The following AGAP1 variants were observed in gnomAD, a reference collection of about 807,000 sequenced individuals.
AGAP1 encodes arf-GAP with GTPase, ANK repeat and PH domain-containing protein 1.
In AGAP1, 29 loss-of-function variants were observed where a neutral mutation model predicts 105.3. The observed-to-expected ratio is 0.28, with a 90% confidence interval of 0.21 to 0.38. The LOEUF is 0.38. Ranked by LOEUF, AGAP1 falls within the 10% of genes least tolerant of loss-of-function variation. The pLI is 1.00. For synonymous variants in AGAP1, 509 were observed against 485.9 expected, an observed-to-expected ratio of 1.05 and a Z score of -0.63; for missense variants, 998 against 1,165.1, an observed-to-expected ratio of 0.86 and a Z score of 2.09.
At position 235,635,244 on chromosome 2, in the gene AGAP1, C is replaced by T. The variant is rs186029491; in HGVS notation, c.164-73935C>T. Among the ~76,000 whole-genome samples, 9 of 152,182 alleles carry T rather than the reference C, an allele frequency of 5.9e-5. 1 individual carries two copies. Among genetic ancestry groups the T allele is most frequent in the Admixed American group, 4.6e-4 (7 of 15,262 alleles). ...GGTCGGTCAAACCTTTCCAAGCCTC[C>T]GTGTCCTCATCTGAAAATGGGAATG... On this transcript the variant is annotated intron_variant, in intron 1 of 17. Transcript: ENST00000304032. The surrounding 1 kb of genome is among the most constrained non-coding windows in gnomAD (Gnocchi z 5.3).
At chr2:236,098,852 G>A (rs1327595847) in intron 16 of AGAP1, among the ~76,000 whole-genome samples, 1 of 151,622 alleles carries the variant, frequency 6.6e-6, no homozygotes, top group African/African-American at 2.4e-5. Context: ...CAAACTCTTG[G>A]CTTCGAGTGA....
rs188627520 is a variant in AGAP1, at chr2:235,855,188, G to A, written c.1051-28157G>A. Among the ~76,000 whole-genome samples, 49 of 152,354 alleles carry A rather than the reference G, an allele frequency of 3.2e-4. No individual in the cohort carries two copies. In the East Asian group the frequency reaches 3.7e-3, roughly 11 times the overall value. On this transcript the variant is annotated intron_variant, in intron 9 of 17. Transcript: ENST00000304032. This position sits in a 1 kb window ranked among gnomAD's most constrained non-coding sequence, Gnocchi z 5.0. ...ATCAGGCCCCAGGTGGAAAATCGGC[G>A]TGGTGACGCATGTGCTGCCATCCCT...
At chr2:235,495,170 C>A (rs1183866825) in intron 1 of AGAP1, among the ~76,000 whole-genome samples, 1 of 152,172 alleles carries the variant, frequency 6.6e-6, no homozygotes, top group African/African-American at 2.4e-5. Flanking sequence ...CGCCTGGGGG[C>A]AGCCGGCGGG....
chr2:236,028,279 G>T (rs1008024061), intron 13 of AGAP1, among the ~76,000 whole-genome samples: 2 of 152,096 alleles, frequency 1.3e-5, no homozygotes, highest in Non-Finnish European at 2.9e-5. Flanking sequence ...TTCATTCTCC[G>T]GGAGAGGAGA....
At position 235,970,766 on chromosome 2, in the gene AGAP1, C is replaced by T. The variant is rs1239686200; in HGVS notation, c.1645+2143C>T. Among the ~76,000 whole-genome samples, 1 of 152,184 alleles carries T rather than the reference C, an allele frequency of 6.6e-6. No homozygotes were observed. The highest frequency in any genetic ancestry group is 1.5e-5 in the Non-Finnish European group (1 of 68,030). On this transcript the variant is annotated intron_variant, in intron 13 of 17. Coordinates refer to ENST00000304032, the MANE Select transcript of AGAP1 (RefSeq NM_001037131.3). The surrounding 1 kb of genome is among the most constrained non-coding windows in gnomAD (Gnocchi z 5.4). ...AGCTGGCACCACCCAGTGTTCCATTCAGCACCGGTGAGTTTGAAGGAAGTT... is the reference window on the plus strand; with the variant it reads ...AGCTGGCACCACCCAGTGTTCCATTTAGCACCGGTGAGTTTGAAGGAAGTT...
rs1206263838 is a variant in AGAP1 at position 235,608,929 on chromosome 2, A to G, written c.164-100250A>G. Among the ~76,000 whole-genome samples, 3 of 151,124 alleles carry G rather than the reference A, an allele frequency of 2.0e-5. No individual in the cohort carries two copies. The highest frequency in any genetic ancestry group is 1.5e-5 in the Non-Finnish European group (1 of 67,830). On this transcript the variant is annotated intron_variant, in intron 1 of 17. Transcript: ENST00000304032. This position sits in a 1 kb window ranked among gnomAD's most constrained non-coding sequence, Gnocchi z 5.4. ...GTTCTTGACTTCCCCCCCATCCCTA[A>G]TACCCCCAACTATGCAAATGATAGT...
chr2:235,734,178 G>A lies in AGAP1; in HGVS notation c.311-6785G>A, dbSNP rs920013158. Among the ~76,000 whole-genome samples, 5 of 152,210 alleles carry A rather than the reference G, an allele frequency of 3.3e-5. No individual in the cohort carries two copies. Among genetic ancestry groups the A allele is most frequent in the African/African-American group, 1.2e-4 (5 of 41,450 alleles). ...AAATAATTAGGGAATAATACAGTTTGCAGATTTTCTCCCGATGTCATCATG... is the reference window on the plus strand; with the variant it reads ...AAATAATTAGGGAATAATACAGTTTACAGATTTTCTCCCGATGTCATCATG... On this transcript the variant is annotated intron_variant, in intron 3 of 17. Transcript: ENST00000304032. The surrounding 1 kb of genome is among the most constrained non-coding windows in gnomAD (Gnocchi z 5.3).
At chr2:235,505,932 T>TTC (rs1221221276) in intron 1 of AGAP1, 1 of 48,234 alleles carries the variant, frequency 2.1e-5, no homozygotes, top group African/African-American at 4.7e-5. Context: ...TTCTTTTCTT[T>TTC]TTTTTTTTTT....
chr2:235,661,389 G>A (rs1340987516), intron 1 of AGAP1, among the ~76,000 whole-genome samples: 1 of 152,166 alleles, frequency 6.6e-6, no homozygotes, highest in Admixed American at 6.5e-5. Flanking sequence ...CCAACTCTGA[G>A]CGGGAGAGTT....
rs1476784277 is a variant in AGAP1 at position 235,494,139 on chromosome 2, A to G, written c.-548A>G. 7.0e-6 allele frequency: 1 copy of G among 142,778 alleles called. No homozygotes were observed. The highest frequency in any genetic ancestry group is 1.6e-5 in the Non-Finnish European group (1 of 64,480). 8.8% of individuals were successfully genotyped at this position (142,778 alleles called of 1,614,324 possible). A position where few individuals can be genotyped will look rare whatever the true frequency, so the allele number is the denominator to read the frequency against. ...TGCAAGGCGCCTGCGACTCGGTCCC[A>G]GGTCGGCGGGCGGCGCACGGCGGGC... On this transcript the variant is annotated 5_prime_UTR_variant, in exon 1 of 18. Coordinates refer to ENST00000304032, the MANE Select transcript of AGAP1 (RefSeq NM_001037131.3).
At chr2:235,579,448 G>C (rs984781775) in intron 1 of AGAP1, among the ~76,000 whole-genome samples, 1 of 152,076 alleles carries the variant, frequency 6.6e-6, no homozygotes, top group Non-Finnish European at 1.5e-5. Flanking sequence ...AAATATTGAG[G>C]CAAAATTTAC....
At position 235,791,983 on chromosome 2, in the gene AGAP1, T is replaced by C. The variant is rs909118948; in HGVS notation, c.674-5776T>C. On this transcript the variant is annotated intron_variant, in intron 6 of 17. Transcript: ENST00000304032. Reference sequence around the variant, plus strand: ...ATTTTCGTGGAGTAAAATTAGTGTTTAGTCTCATGTGAATTTCATCAGTGT... The same window carrying C: ...ATTTTCGTGGAGTAAAATTAGTGTTCAGTCTCATGTGAATTTCATCAGTGT... Among the ~76,000 whole-genome samples the C allele has an allele frequency of 3.9e-5, 6 of 152,232 alleles. No homozygotes were observed. In the South Asian group the frequency reaches 1.2e-3, roughly 32 times the overall value.
rs2059412022 is a variant in AGAP1, at chr2:236,103,554, T to A, written c.2115-16638T>A. Among the ~76,000 whole-genome samples, 5 of 152,090 alleles carry A rather than the reference T, an allele frequency of 3.3e-5. No individual in the cohort carries two copies. In the South Asian group the frequency reaches 1.0e-3, roughly 32 times the overall value. On this transcript the variant is annotated intron_variant, in intron 16 of 17. Transcript: ENST00000304032. ...CTTTTCTCTTTTTCCTTTCTTTCCT[T>A]TCTTTCTTTCTTTTCTTCTTTTTTT...
intron 13 of AGAP1, among the ~76,000 whole-genome samples, chr2:235,999,821 G>C (rs943487764): frequency 6.6e-6 from 1 of 152,058 alleles, no homozygotes; most frequent in African/African-American, 2.4e-5. Context: ...CCTGAATGTT[G>C]GGGGTCAGGT....
In AGAP1 at chr2:235,747,109, A is replaced by G. The variant is rs1482707657; in HGVS notation, c.538+2270A>G. Among the ~76,000 whole-genome samples the G allele has an allele frequency of 2.0e-5, 3 of 151,802 alleles. No individual in the cohort carries two copies. The highest frequency in any genetic ancestry group is 4.4e-5 in the Non-Finnish European group (3 of 67,984). On this transcript the variant is annotated intron_variant, in intron 5 of 17. Coordinates refer to ENST00000304032, the MANE Select transcript of AGAP1 (RefSeq NM_001037131.3). This position sits in a 1 kb window ranked among gnomAD's most constrained non-coding sequence, Gnocchi z 5.0. ...AACAATGGCTGCTTTTGTTCCTCATATTTCAATCTGCGACCAGTGTTCCAG... is the reference window on the plus strand; with the variant it reads ...AACAATGGCTGCTTTTGTTCCTCATGTTTCAATCTGCGACCAGTGTTCCAG...
At chr2:235,646,812 G>A (rs569334617) in intron 1 of AGAP1, among the ~76,000 whole-genome samples, 1 of 152,292 alleles carries the variant, frequency 6.6e-6, no homozygotes, top group Non-Finnish European at 1.5e-5. Flanking sequence ...GAGGGGCCGG[G>A]CTCCAAGCAA....
intron 9 of AGAP1, among the ~76,000 whole-genome samples, chr2:235,814,485 T>C (rs1958336758): frequency 6.6e-6 from 1 of 152,212 alleles, no homozygotes; most frequent in Non-Finnish European, 1.5e-5. Flanking sequence ...CTTATCAGAT[T>C]TGATCAACTA....
At chr2:235,585,858 G>C (rs758871249) in intron 1 of AGAP1, among the ~76,000 whole-genome samples, 10 of 152,062 alleles carry the variant, frequency 6.6e-5, no homozygotes, top group Non-Finnish European at 1.0e-4. Context: ...AGGCTGTCTC[G>C]TCCTTTCTGT....
At chr2:235,762,321 G>C (rs1954514822) in intron 6 of AGAP1, among the ~76,000 whole-genome samples, 1 of 152,088 alleles carries the variant, frequency 6.6e-6, no homozygotes, top group Non-Finnish European at 1.5e-5. Context: ...CATGGACTTT[G>C]ATATTTTTTG....
Sources: gnomAD v4.1 joint callset for allele counts (sites outside exome capture counted in the v4.1 genomes callset) on GRCh38, gnomAD v4.1.1 for gene constraint, Gnocchi (gnomAD v3.1) non-coding constraint, MANE v1.5 for transcripts, NCBI Gene and HGNC (gene_info 2026-07-23, HGNC 2026-07-21) for gene names.